The following AFG3L2 variants were observed in gnomAD, a reference collection of about 807,000 sequenced individuals.
The protein encoded by AFG3L2 is AFG3 like matrix AAA peptidase subunit 2.
Under a neutral mutation model 94.5 loss-of-function variants are expected in AFG3L2, and 54 were observed. The ratio of observed to expected loss-of-function variants is 0.57; its 90% CI spans 0.46 to 0.72. AFG3L2 has a LOEUF of 0.72. Among genes scored for constraint, AFG3L2 ranks in the 30% least tolerant of loss-of-function variants. AFG3L2 has a pLI of 0.00. For missense variants in AFG3L2, 754 were observed against 994.9 expected (o/e 0.76, Z 3.26); for synonymous variants, 377 against 365.5 (o/e 1.03, Z -0.36).
intron 16 of AFG3L2, among the ~76,000 whole-genome samples, chr18:12,335,147 T>C (rs560693152): frequency 1.3e-5 from 2 of 152,100 alleles, no homozygotes; most frequent in African/African-American, 2.4e-5. Flanking sequence ...ACCTTTACCC[T>C]GAAACAAAGT....
In AFG3L2 at chr18:12,367,128, A is replaced by G; in HGVS notation, c.400-11T>C. 1 of 1,614,206 alleles carries G rather than the reference A, an allele frequency of 6.2e-7. No individual in the cohort carries two copies. Among genetic ancestry groups the G allele is most frequent in the East Asian group, 2.2e-5 (1 of 44,890 alleles). On this transcript the variant is annotated splice_polypyrimidine_tract_variant and intron_variant, in intron 4 of 16. Transcript: ENST00000269143. ...CCATGGAATGTCACCCTGGGCAGAG[A>G]GGGAGACAGCTTCTGTGAAGAATGA... is the stretch of plus-strand genomic sequence containing the variant.
intron 2 of AFG3L2, among the ~76,000 whole-genome samples, chr18:12,371,134 G>GA (rs879916933): frequency 6.6e-6 from 1 of 152,002 alleles, no homozygotes; most frequent in Non-Finnish European, 1.5e-5. Flanking sequence ...CCAACATGGC[G>GA]AAACTCCGAC....
intron 15 of AFG3L2, among the ~76,000 whole-genome samples, chr18:12,338,630 T>C (rs543676402): frequency 6.6e-6 from 1 of 152,274 alleles, no homozygotes; most frequent in East Asian, 1.9e-4. Flanking sequence ...GAAAAGCTCC[T>C]AGACCTCCTC....
chr18:12,337,768 T>A (rs975417334), intron 15 of AFG3L2, among the ~76,000 whole-genome samples: 1 of 152,148 alleles, frequency 6.6e-6, no homozygotes, highest in East Asian at 1.9e-4. Context: ...TATTATTACC[T>A]GATTTCTCTC....
rs1266656985 is a variant in AFG3L2, at chr18:12,329,406, G to C, written c.*159C>G. ...TCACCTGCCACCCACTGTGACCTCT[G>C]AGGCTGAAAGGACTAAGGACTCCTT... On this transcript the variant is annotated 3_prime_UTR_variant, in exon 17 of 17. Transcript: ENST00000269143. 1.3e-5 allele frequency: 10 copies of C among 796,716 alleles called. No homozygotes were observed. Among genetic ancestry groups the C allele is most frequent in the Admixed American group, 1.0e-4 (5 of 49,168 alleles). The allele number at this position is 796,716 out of a possible 1,614,324, so 49.4% of individuals were successfully genotyped here.
intron 15 of AFG3L2, among the ~76,000 whole-genome samples, chr18:12,338,838 CAT>C (rs1907838372): frequency 6.6e-6 from 1 of 152,076 alleles, no homozygotes; most frequent in African/African-American, 2.4e-5. Context: ...AGGGAAATGA[CAT>C]ATGATATGAA....
intron 13 of AFG3L2, among the ~76,000 whole-genome samples, chr18:12,344,628 C>T (rs944106548): frequency 1.3e-5 from 2 of 151,304 alleles, no homozygotes; most frequent in South Asian, 2.1e-4. Flanking sequence ...GAACTGAGAT[C>T]ATGCCGCTGC....
intron 14 of AFG3L2, 132 bp downstream of exon 14, chr18:12,344,000 G>A: frequency 1.3e-6 from 1 of 774,262 alleles, no homozygotes; most frequent in Non-Finnish European, 2.2e-6. Context: ...ATGGTTACCA[G>A]AAGTTACCAG....
At chr18:12,343,813 GA>G (rs1265515374) in intron 14 of AFG3L2, 2 of 430,520 alleles carry the variant, frequency 4.6e-6, no homozygotes, top group Non-Finnish European at 8.6e-6. Flanking sequence ...CTGTAGTGTG[GA>G]GATTATGAAA....
intron 16 of AFG3L2, among the ~76,000 whole-genome samples, chr18:12,336,815 C>T (rs1907756664): frequency 6.6e-6 from 1 of 152,152 alleles, no homozygotes; most frequent in Admixed American, 6.5e-5. Context: ...GAAAGGGTCC[C>T]TTCCTTTTGT....
At chr18:12,333,226 AAT>A (rs549626023) in intron 16 of AFG3L2, among the ~76,000 whole-genome samples, 4,501 of 123,902 alleles carry the variant, frequency 0.036, 115 homozygotes, top group Middle Eastern at 0.092. Context: ...CTATTATATA[AAT>A]ATATGATATA....
chr18:12,329,762 T>C lies in AFG3L2; in HGVS notation c.2197A>G (p.Lys733Glu). 1 of 1,614,194 alleles carries C rather than the reference T, an allele frequency of 6.2e-7. No individual in the cohort carries two copies. The highest frequency in any genetic ancestry group is 8.5e-7 in the Non-Finnish European group (1 of 1,180,022). ...ATATCATTCTTATCTAATACTTCTT[T>C]TTCTAACAACAGAAGAGCAACCTGA... ...VEKVALLLLE[K>E]EVLDKNDMVE... Residue 733 changes from lysine (K) to glutamate (E), a missense_variant, in exon 17 of 17, where the codon AAA becomes GAA. By Grantham distance (56) the Lys-to-Glu change is moderately conservative. Coordinates refer to ENST00000269143, the MANE Select transcript of AFG3L2 (RefSeq NM_006796.3).
chr18:12,364,858 T>TG (rs1908760433), intron 5 of AFG3L2, among the ~76,000 whole-genome samples: 1 of 151,900 alleles, frequency 6.6e-6, no homozygotes, highest in Non-Finnish European at 1.5e-5. Flanking sequence ...TTTGTAGAGA[T>TG]GGGGTCTCCC....
chr18:12,356,569 G>T, intron 9 of AFG3L2, 125 bp downstream of exon 9: 1 of 1,389,172 alleles, frequency 7.2e-7, no homozygotes, highest in Non-Finnish European at 1.0e-6. Context: ...GAGAGCTCAG[G>T]CCAGGGACTG....
At chr18:12,344,850 C>A (rs576261560) in intron 13 of AFG3L2, among the ~76,000 whole-genome samples, 1 of 152,164 alleles carries the variant, frequency 6.6e-6, no homozygotes, top group East Asian at 1.9e-4. Flanking sequence ...TTAAGCCACA[C>A]ACCCTGTGTT....
chr18:12,358,842 A>G lies in AFG3L2; in HGVS notation c.854T>C (p.Met285Thr). ...TTCTCCGACACTGAAGAGTCCGCCC[A>G]TCCCTCGGCCTGTCCGGCCAATGCC... ...PAGIGRTGRGMGGLFSVGETT... is the reference protein window; with the variant it reads ...PAGIGRTGRGTGGLFSVGETT... Residue 285 changes from methionine (M) to threonine (T), a missense_variant, in exon 8 of 17, where the codon ATG (methionine) becomes ACG (threonine). Met to Thr is a moderately conservative substitution (Grantham distance 81). Around this residue, in one of 4 missense-constraint regions of AFG3L2, gnomAD observed 130 missense variants for 175.1 expected, o/e 0.74. Coordinates refer to ENST00000269143, the MANE Select transcript of AFG3L2 (RefSeq NM_006796.3). 6.2e-7 allele frequency: 1 copy of G among 1,614,248 alleles called. No homozygotes were observed. Among genetic ancestry groups the G allele is most frequent in the Non-Finnish European group, 8.5e-7 (1 of 1,180,048 alleles).
chr18:12,350,418 G>C (rs7231409), intron 12 of AFG3L2, among the ~76,000 whole-genome samples: 103,556 of 150,770 alleles, frequency 0.69, 36,557 homozygotes, highest in Non-Finnish European at 0.78. Context: ...TATTTCAATA[G>C]AGCTTTTAAA....
rs144401350 is a variant in AFG3L2, at chr18:12,363,804, G to C, written c.605C>G (p.Pro202Arg). The C allele has an allele frequency of 1.2e-6, 2 of 1,612,636 alleles. No homozygotes were observed. The highest frequency in any genetic ancestry group is 1.8e-4 in the Middle Eastern group (1 of 5,570). ...NKRFVRVTFT[P>R]GKTPVDGQYV... ...TACCCCATCAACAGGAGTTTTTCCT[G>C]GTGTAAAGGTCACTCGAACAAAACG... The change falls in exon 6 of 17, where the codon CCA becomes CGA. Residue 202 changes from proline to arginine, a missense_variant. Physicochemically the swap from Pro to Arg is moderately radical, Grantham distance 103 (BLOSUM62 -2). Transcript: ENST00000269143.
intron 15 of AFG3L2, among the ~76,000 whole-genome samples, chr18:12,339,897 G>A (rs887507515): frequency 1.3e-5 from 2 of 149,542 alleles, no homozygotes; most frequent in Non-Finnish European, 3.0e-5. Flanking sequence ...GCGCATGCCT[G>A]TAATCCCAGC....
Sources: gnomAD v4.1 joint callset for allele counts (sites outside exome capture counted in the v4.1 genomes callset) on GRCh38, gnomAD v4.1.1 for gene constraint, gnomAD v4.1.1 regional missense constraint, MANE v1.5 for transcripts, NCBI Gene and HGNC (gene_info 2026-07-23, HGNC 2026-07-21) for gene names.